Variants in GLB1L2 observed in about 807,000 individuals in gnomAD.
GLB1L2 encodes the protein galactosidase beta 1 like 2.
A neutral mutation model predicts 84.1 loss-of-function variants in GLB1L2; 68 were observed. The ratio of observed to expected loss-of-function variants is 0.81; its 90% CI spans 0.67 to 0.99. The LOEUF is 0.99. GLB1L2 is among the 50% of genes least tolerant of loss of function. The pLI is 0.00. For synonymous variants in GLB1L2, 290 were observed against 318.0 expected (o/e 0.91, Z 0.94); for missense variants, 762 against 805.6 (o/e 0.95, Z 0.66).
intron 15 of GLB1L2, 31 bp from the exon 16 acceptor site, chr11:134,373,690 G>A: frequency 6.7e-7 from 1 of 1,485,574 alleles, no homozygotes; most frequent in Non-Finnish European, 9.3e-7. Flanking sequence ...CTGCCTTTGG[G>A]CTACCCACGT....
chr11:134,332,019 G>C lies in GLB1L2; in HGVS notation c.-43G>C. The C allele has an allele frequency of 3.6e-6, 5 of 1,408,342 alleles. No homozygotes were observed. The highest frequency in any genetic ancestry group is 4.9e-6 in the Non-Finnish European group (5 of 1,030,452). 87.2% of individuals were successfully genotyped at this position (1,408,342 alleles called of 1,614,324 possible). ...AGGCTCCCGCGCGCGGCTGAGTGCG[G>C]ACTGGAGTGGGAACCCGGGTCCCCG... On this transcript the variant is annotated 5_prime_UTR_variant, in exon 1 of 19. Coordinates refer to ENST00000535456, the MANE Select transcript of GLB1L2 (RefSeq NM_001370461.1).
intron 4 of GLB1L2, among the ~76,000 whole-genome samples, chr11:134,345,646 T>G (rs150285079): frequency 6.2e-4 from 95 of 152,216 alleles, no homozygotes; most frequent in African/African-American, 2.1e-3. Context: ...AATTTTTGTA[T>G]TTTTAGTAAA....
In GLB1L2 at chr11:134,332,261, C is replaced by A. The variant is rs1344662907; in HGVS notation, c.86+114C>A. 33 of 683,596 alleles carry A rather than the reference C, an allele frequency of 4.8e-5. No individual in the cohort carries two copies. In the South Asian group the frequency reaches 6.3e-4, roughly 13 times the overall value. 42.3% of individuals were successfully genotyped at this position (683,596 alleles called of 1,614,324 possible). ...CCCGAGTTCCCGGGGGGAGCAGCCCCAGCTGCTTCTTTCTGGGAGCTCCCC... is the reference window on the plus strand; with the variant it reads ...CCCGAGTTCCCGGGGGGAGCAGCCCAAGCTGCTTCTTTCTGGGAGCTCCCC... On this transcript the variant is annotated intron_variant, in intron 1 of 18. Coordinates refer to ENST00000535456, the MANE Select transcript of GLB1L2 (RefSeq NM_001370461.1).
intron 7 of GLB1L2, among the ~76,000 whole-genome samples, chr11:134,361,953 T>G (rs920056677): frequency 2.6e-5 from 4 of 152,200 alleles, no homozygotes; most frequent in Non-Finnish European, 5.9e-5. Context: ...CGCCCTCCCC[T>G]TCTCGTGCTG....
chr11:134,332,187 T>G, intron 1 of GLB1L2, 40 bp downstream of exon 1: 2 of 1,379,638 alleles, frequency 1.4e-6, no homozygotes, highest in Non-Finnish European at 2.0e-6. Flanking sequence ...GGACCCCACA[T>G]TCCCCAGCCC....
intron 1 of GLB1L2, among the ~76,000 whole-genome samples, chr11:134,336,573 T>A (rs951904014): frequency 6.6e-6 from 1 of 152,240 alleles, no homozygotes; most frequent in African/African-American, 2.4e-5. Context: ...GTAGAATTGC[T>A]GACCGTAGGA....
intron 11 of GLB1L2, 84 bp downstream of exon 11, chr11:134,369,969 C>A: frequency 1.8e-6 from 2 of 1,086,820 alleles, no homozygotes; most frequent in Middle Eastern, 2.0e-4. Context: ...TCCTTACTGT[C>A]CCACCTCGAC....
chr11:134,354,072 A>G (rs766147419), intron 5 of GLB1L2, among the ~76,000 whole-genome samples: 2 of 152,144 alleles, frequency 1.3e-5, no homozygotes, highest in South Asian at 2.1e-4. Context: ...TGCTTTTGCC[A>G]TTTTGTTGCT....
chr11:134,374,573 A>G, intron 17 of GLB1L2, 29 bp from the exon 18 acceptor site: 2 of 1,552,736 alleles, frequency 1.3e-6, no homozygotes, highest in African/African-American at 1.4e-5. Context: ...CTCTCGTGGT[A>G]GATGAACACC....
At chr11:134,372,129 G>C (rs755556539) in intron 15 of GLB1L2, among the ~76,000 whole-genome samples, 2 of 152,040 alleles carry the variant, frequency 1.3e-5, no homozygotes, top group African/African-American at 2.4e-5. Context: ...ATGTCTGCTT[G>C]GGGGGGCGGC....
At chr11:134,371,207 T>C in intron 13 of GLB1L2, 59 bp downstream of exon 13, 1 of 1,579,942 alleles carries the variant, frequency 6.3e-7, no homozygotes, top group Non-Finnish European at 8.7e-7. Context: ...GCAATAGGCG[T>C]CTCATGCCCT....
At chr11:134,342,255 A>G (rs1436302042) in intron 1 of GLB1L2, among the ~76,000 whole-genome samples, 1 of 152,144 alleles carries the variant, frequency 6.6e-6, no homozygotes, top group African/African-American at 2.4e-5. Flanking sequence ...CGCGGTCTTC[A>G]GAAAATAATG....
intron 1 of GLB1L2, among the ~76,000 whole-genome samples, chr11:134,335,887 A>G (rs1468149834): frequency 6.6e-6 from 1 of 152,180 alleles, no homozygotes; most frequent in Non-Finnish European, 1.5e-5. Flanking sequence ...GGGTCTAGGC[A>G]CGTCCTCCCT....
chr11:134,371,617 C>T (rs997078228), intron 14 of GLB1L2, 125 bp downstream of exon 14: 17 of 1,042,810 alleles, frequency 1.6e-5, no homozygotes, highest in Non-Finnish European at 2.4e-5. Context: ...GTGGAGAGGG[C>T]GAGTGTGGCT....
chr11:134,349,925 G>C lies in GLB1L2; in HGVS notation c.558+2492G>C, dbSNP rs1344369056. Among the ~76,000 whole-genome samples the C allele has an allele frequency of 2.0e-5, 3 of 152,274 alleles. 1 individual carries two copies. Among genetic ancestry groups the C allele is most frequent in the South Asian group, 4.1e-4 (2 of 4,824 alleles). ...TGTCTAGAAGTGTCTGGAAGCTAGGGCCTGGAACGAGGGCCTCTTGACTCT... is the reference window on the plus strand; with the variant it reads ...TGTCTAGAAGTGTCTGGAAGCTAGGCCCTGGAACGAGGGCCTCTTGACTCT... On this transcript the variant is annotated intron_variant, in intron 5 of 18. Coordinates refer to ENST00000535456, the MANE Select transcript of GLB1L2 (RefSeq NM_001370461.1).
intron 1 of GLB1L2, among the ~76,000 whole-genome samples, chr11:134,341,724 AT>A (rs1489047681): frequency 4.6e-5 from 7 of 152,138 alleles, no homozygotes; most frequent in Non-Finnish European, 1.5e-5. Context: ...CCCAGACAAA[AT>A]TCCCAAGAGG....
chr11:134,374,338 C>A, intron 17 of GLB1L2, 82 bp downstream of exon 17: 1 of 1,174,336 alleles, frequency 8.5e-7, no homozygotes, highest in Non-Finnish European at 1.3e-6. Context: ...ACGAGCTTGG[C>A]GAGAGTCGTT....
intron 5 of GLB1L2, among the ~76,000 whole-genome samples, chr11:134,348,849 C>T (rs1943586673): frequency 6.6e-6 from 1 of 152,190 alleles, no homozygotes; most frequent in Non-Finnish European, 1.5e-5. Context: ...CATATACGGC[C>T]ATCTTCTTGA....
intron 10 of GLB1L2, among the ~76,000 whole-genome samples, 173 bp downstream of exon 10, chr11:134,368,954 C>G (rs1261867314): frequency 6.6e-6 from 1 of 152,192 alleles, no homozygotes; most frequent in African/African-American, 2.4e-5. Flanking sequence ...GGAGGGAAGC[C>G]TCAAGGGAGG....
Sources: gnomAD v4.1 joint callset for allele counts (sites outside exome capture counted in the v4.1 genomes callset) on GRCh38, gnomAD v4.1.1 for gene constraint, MANE v1.5 for transcripts, NCBI Gene and HGNC (gene_info 2026-07-23, HGNC 2026-07-21) for gene names.